Variants in TGM6 observed in about 807,000 individuals in gnomAD.
The protein encoded by TGM6 is transglutaminase 6, also known as protein-glutamine gamma-glutamyltransferase 6.
A neutral mutation model predicts 77.5 loss-of-function variants in TGM6; 74 were observed. The ratio of observed to expected loss-of-function variants is 0.96; its 90% confidence interval spans 0.79 to 1.16. The LOEUF (loss-of-function observed/expected upper bound fraction) is 1.16, where lower values mean the gene tolerates loss of function less well. TGM6 is among the 50% of genes most tolerant of loss of function. The pLI, the probability that TGM6 is intolerant of heterozygous loss-of-function variation, is 0.00. For synonymous variants in TGM6, 383 were observed against 378.9 expected (o/e 1.01, Z -0.12); for missense variants, 968 against 940.2 (o/e 1.03, Z -0.39).
intron 10 of TGM6, among the ~76,000 whole-genome samples, chr20:2,424,887 G>A (rs8119282): frequency 0.089 from 13,525 of 152,200 alleles, 752 homozygotes; most frequent in East Asian, 0.21. Context: ...TTGTGTATCC[G>A]GGAATAGGAA....
intron 10 of TGM6, among the ~76,000 whole-genome samples, chr20:2,425,698 T>C (rs1379272604): frequency 6.6e-6 from 1 of 152,176 alleles, no homozygotes; most frequent in African/African-American, 2.4e-5. Context: ...ATAAACTTTT[T>C]TATGTCATGG....
chr20:2,401,265 T>C (rs1009412435), intron 7 of TGM6, among the ~76,000 whole-genome samples: 2 of 152,066 alleles, frequency 1.3e-5, no homozygotes, highest in African/African-American at 2.4e-5. Context: ...AAAACATTCA[T>C]GTGGTTTAAT....
At chr20:2,401,436 C>T (rs74908315) in intron 7 of TGM6, among the ~76,000 whole-genome samples, 6,012 of 152,190 alleles carry the variant, frequency 0.04, 362 homozygotes, top group African/African-American at 0.14. Flanking sequence ...AGTGCCTCCC[C>T]GCCTTTTCCC....
chr20:2,406,289 G>A (rs1466065327), intron 9 of TGM6, among the ~76,000 whole-genome samples: 1 of 152,014 alleles, frequency 6.6e-6, no homozygotes, highest in Non-Finnish European at 1.5e-5. Flanking sequence ...TTAGAACGTG[G>A]GGTCTAGCCT....
chr20:2,382,163 T>A (rs192460835), intron 1 of TGM6, among the ~76,000 whole-genome samples: 72 of 152,380 alleles, frequency 4.7e-4, no homozygotes, highest in African/African-American at 1.7e-3. Context: ...GGCAGATATT[T>A]GAATTTCCTC....
At chr20:2,430,621 C>T in intron 11 of TGM6, 21 bp downstream of exon 11, 1 of 1,613,692 alleles carries the variant, frequency 6.2e-7, no homozygotes, top group South Asian at 1.1e-5. Context: ...CCTGCATCTA[C>T]CATGCTGTTC....
At position 2,420,265 on chromosome 20, in the gene TGM6, A is replaced by T. The variant is rs918429119; in HGVS notation, c.1678+2692A>T. ...TGTCTAAAAAAACAAACAAAAAAAA[A>T]AGTGAAATTCTTTGGCCAAATGATA... is the stretch of plus-strand genomic sequence containing the variant. On this transcript the variant is annotated intron_variant, in intron 10 of 12. Coordinates refer to ENST00000202625, the MANE Select transcript of TGM6 (RefSeq NM_198994.3). 1.0e-3 allele frequency among the ~76,000 whole-genome samples: 152 copies of T among 152,256 alleles called. 1 individual carries two copies. The highest frequency in any genetic ancestry group is 3.5e-3 in the African/African-American group (144 of 41,544).
chr20:2,417,435 GC>G lies in TGM6; in HGVS notation c.1543del (p.Leu515CysfsTer13), dbSNP rs1196383633. On this transcript the variant is annotated frameshift_variant, in exon 10 of 13. Transcript: ENST00000202625. LOFTEE classifies it high-confidence loss of function. ...CATGCTGGGCCACGACCTGAGACTG[GC>G]CCTGTGCTTGGCCAACCTCACCTCC... Reference protein sequence around the residue: ...PPMLGHDLRLALCLANLTSRA... With the variant: ...PPMLGHDLRLXLCLANLTSRA... 3 of 1,612,440 alleles carry G rather than the reference GC, an allele frequency of 1.9e-6. No homozygotes were observed. The highest frequency in any genetic ancestry group is 2.7e-5 in the African/African-American group (2 of 74,916).
intron 7 of TGM6, among the ~76,000 whole-genome samples, chr20:2,402,817 TCTG>T (rs962398153): frequency 2.0e-5 from 3 of 152,216 alleles, no homozygotes; most frequent in Non-Finnish European, 2.9e-5. Context: ...ACCTACCCCC[TCTG>T]CTGGCCATAT....
intron 9 of TGM6, among the ~76,000 whole-genome samples, chr20:2,404,718 G>A (rs887145330): frequency 6.6e-6 from 1 of 151,458 alleles, no homozygotes; most frequent in Non-Finnish European, 1.5e-5. Context: ...TCAGCTCACT[G>A]CAACCTCCGC....
intron 12 of TGM6, among the ~76,000 whole-genome samples, chr20:2,432,250 G>A (rs958239574): frequency 6.6e-6 from 1 of 152,052 alleles, no homozygotes; most frequent in Non-Finnish European, 1.5e-5. Flanking sequence ...GTTTCACCAC[G>A]TTGGCCAGGC....
intron 10 of TGM6, among the ~76,000 whole-genome samples, chr20:2,420,893 A>T (rs1397699536): frequency 1.3e-5 from 2 of 152,166 alleles, no homozygotes; most frequent in African/African-American, 4.8e-5. Flanking sequence ...TCACCTACTG[A>T]AGGACTTCTT....
At chr20:2,427,962 A>T (rs1442866171) in intron 10 of TGM6, among the ~76,000 whole-genome samples, 1 of 152,050 alleles carries the variant, frequency 6.6e-6, no homozygotes, top group Non-Finnish European at 1.5e-5. Context: ...ATACTTTTAA[A>T]TTTCTCTTAA....
intron 1 of TGM6, among the ~76,000 whole-genome samples, chr20:2,388,549 A>T (rs1480562332): frequency 6.6e-6 from 1 of 151,432 alleles, no homozygotes; most frequent in African/African-American, 2.4e-5. Flanking sequence ...AGATGGGAGG[A>T]TTGCTTGAGG....
intron 1 of TGM6, among the ~76,000 whole-genome samples, chr20:2,386,086 A>G (rs1214747488): frequency 1.3e-5 from 2 of 152,142 alleles, no homozygotes; most frequent in South Asian, 2.1e-4. Flanking sequence ...GTGCACATCT[A>G]TCTCCTCGCC....
chr20:2,396,690 T>A, intron 4 of TGM6, 66 bp downstream of exon 4: 2 of 1,441,388 alleles, frequency 1.4e-6, no homozygotes, highest in Non-Finnish European at 9.7e-7. Context: ...GGGACTGGAG[T>A]CCCTCTGTCT....
intron 7 of TGM6, among the ~76,000 whole-genome samples, chr20:2,401,238 A>G (rs530272980): frequency 6.6e-6 from 1 of 152,060 alleles, no homozygotes; most frequent in South Asian, 2.1e-4. Context: ...TAACTTACTT[A>G]ATTTTCTGAA....
Position 2,417,528 on chromosome 20 carries a change from G to T in TGM6, c.1633G>T (p.Glu545Ter). ...CCTCTATACCCGCAAGCCAGTGGCAGAGATCCTGCATGAATCCCACGCCGT... is the reference window on the plus strand; with the variant it reads ...CCTCTATACCCGCAAGCCAGTGGCATAGATCCTGCATGAATCCCACGCCGT... ...TILYTRKPVA[E>*]ILHESHAVRL... is the part of the protein sequence containing the mutation. Residue 545 changes from glutamate to a stop codon, truncating the protein, a stop_gained, in exon 10 of 13, where the codon GAG becomes TAG. Coordinates refer to ENST00000202625, the MANE Select transcript of TGM6 (RefSeq NM_198994.3). LOFTEE classifies it high-confidence loss of function. 1 of 1,606,590 alleles carries T rather than the reference G, an allele frequency of 6.2e-7. No individual in the cohort carries two copies.
chr20:2,418,851 T>C (rs370189530), intron 10 of TGM6, among the ~76,000 whole-genome samples: 1 of 151,668 alleles, frequency 6.6e-6, no homozygotes, highest in Non-Finnish European at 1.5e-5. Flanking sequence ...CCAAGGCGGG[T>C]GGATCACGAG....
Sources: gnomAD v4.1 joint callset for allele counts (sites outside exome capture counted in the v4.1 genomes callset) on GRCh38, gnomAD v4.1.1 for gene constraint, MANE v1.5 for transcripts, NCBI Gene and HGNC (gene_info 2026-07-23, HGNC 2026-07-21) for gene names.